Variants in ZCCHC7 observed in about 807,000 individuals in gnomAD.
The protein encoded by ZCCHC7 is zinc finger CCHC domain-containing protein 7.
In ZCCHC7, 35 loss-of-function variants were observed where a neutral mutation model predicts 52.0. The observed-to-expected ratio is 0.67, with a 90% CI of 0.51 to 0.89. The LOEUF (loss-of-function observed/expected upper bound fraction) is 0.89, where lower values mean the gene tolerates loss of function less well. Ranked by LOEUF, ZCCHC7 falls within the 40% of genes least tolerant of loss-of-function variation. The pLI, the probability that ZCCHC7 is intolerant of heterozygous loss-of-function variation, is 0.00. For missense variants in ZCCHC7, 574 were observed against 649.1 expected, an observed-to-expected ratio of 0.88 and a Z score of 1.26; for synonymous variants, 217 against 221.5, an observed-to-expected ratio of 0.98 and a Z score of 0.18.
At chr9:37,184,565 C>T (rs1822548142) in intron 2 of ZCCHC7, among the ~76,000 whole-genome samples, 1 of 152,132 alleles carries the variant, frequency 6.6e-6, no homozygotes. Flanking sequence ...TACTTGGTAT[C>T]AGTAAGGAAA....
intron 2 of ZCCHC7, among the ~76,000 whole-genome samples, chr9:37,300,765 T>C (rs1000963372): frequency 6.6e-6 from 1 of 152,168 alleles, no homozygotes; most frequent in Non-Finnish European, 1.5e-5. Context: ...GAGAAAAAGA[T>C]CTTTCAGTCC....
intron 3 of ZCCHC7, among the ~76,000 whole-genome samples, chr9:37,303,914 C>T (rs1209500011): frequency 6.6e-6 from 1 of 152,080 alleles, no homozygotes; most frequent in Non-Finnish European, 1.5e-5. Flanking sequence ...CCGCCCACCT[C>T]GGCCTCCGAA....
intron 2 of ZCCHC7, among the ~76,000 whole-genome samples, chr9:37,149,645 G>A (rs1406414788): frequency 6.6e-6 from 1 of 152,094 alleles, no homozygotes; most frequent in Admixed American, 6.6e-5. Context: ...AATGATTCTA[G>A]TTCATCTGTA....
At chr9:37,226,039 T>G (rs1825081208) in intron 2 of ZCCHC7, among the ~76,000 whole-genome samples, 1 of 152,198 alleles carries the variant, frequency 6.6e-6, no homozygotes, top group African/African-American at 2.4e-5. Context: ...AAAAATCTAG[T>G]TAGAAAATTG....
chr9:37,132,256 A>C (rs1415742958), intron 2 of ZCCHC7, among the ~76,000 whole-genome samples: 6 of 152,184 alleles, frequency 3.9e-5, no homozygotes, highest in Non-Finnish European at 8.8e-5. Context: ...CCAAATGATG[A>C]CATGTGACAA....
At chr9:37,311,535 A>G (rs964882513) in intron 5 of ZCCHC7, among the ~76,000 whole-genome samples, 3 of 152,000 alleles carry the variant, frequency 2.0e-5, no homozygotes, top group Non-Finnish European at 4.4e-5. Flanking sequence ...TCAGCCTCCC[A>G]AGTAGCTGGG....
intron 2 of ZCCHC7, among the ~76,000 whole-genome samples, chr9:37,281,609 A>T (rs924766778): frequency 5.3e-5 from 8 of 152,328 alleles, no homozygotes; most frequent in African/African-American, 1.9e-4. Context: ...ATTGTACTAT[A>T]TCAATCTCAT....
chr9:37,349,705 AAATAT>A (rs1447384835), intron 7 of ZCCHC7, among the ~76,000 whole-genome samples: 1 of 152,242 alleles, frequency 6.6e-6, no homozygotes, highest in African/African-American at 2.4e-5. Context: ...AAAATCAAAC[AAATAT>A]AATAGTCAAC....
At chr9:37,207,006 G>A (rs939377102) in intron 2 of ZCCHC7, among the ~76,000 whole-genome samples, 18 of 151,904 alleles carry the variant, frequency 1.2e-4, no homozygotes, top group African/African-American at 4.1e-4. Flanking sequence ...TGCAACCGTA[G>A]TCCCAGCTAC....
At chr9:37,313,604 G>C (rs1284872582) in intron 5 of ZCCHC7, among the ~76,000 whole-genome samples, 7 of 152,220 alleles carry the variant, frequency 4.6e-5, no homozygotes, top group Non-Finnish European at 1.0e-4. Context: ...AATTCCCAAT[G>C]TTGAGGGAGG....
Position 37,302,250 on chromosome 9 carries a change from T to A in ZCCHC7, c.654+19T>A. On this transcript the variant is annotated intron_variant, in intron 3 of 8. Transcript: ENST00000336755. ...CATTGAGGTAAAATCAAATTGTTTTTAAAATTCAGAATAATAATTTCCTTT... is the reference window on the plus strand; with the variant it reads ...CATTGAGGTAAAATCAAATTGTTTTAAAAATTCAGAATAATAATTTCCTTT... 6.3e-7 allele frequency: 1 copy of A among 1,582,510 alleles called. No individual in the cohort carries two copies. Among genetic ancestry groups the A allele is most frequent in the Non-Finnish European group, 8.7e-7 (1 of 1,154,082 alleles).
At chr9:37,276,726 G>A (rs537723650) in intron 2 of ZCCHC7, among the ~76,000 whole-genome samples, 20 of 152,216 alleles carry the variant, frequency 1.3e-4, no homozygotes, top group African/African-American at 4.8e-4. Flanking sequence ...GCCTAAAATA[G>A]TAAATCATAA....
intron 5 of ZCCHC7, among the ~76,000 whole-genome samples, chr9:37,320,572 A>G (rs1438141869): frequency 6.6e-6 from 1 of 152,162 alleles, no homozygotes; most frequent in Non-Finnish European, 1.5e-5. Flanking sequence ...TGAATATGGT[A>G]TGTCTCTGTT....
In ZCCHC7 at chr9:37,251,676, C is replaced by T. The variant is rs191101750; in HGVS notation, c.611-50512C>T. ...GGTGGTGTTCAGAGTGACGGGCCCA[C>T]AGGCAGGCTGGCCTTTTATGCTTGC... On this transcript the variant is annotated intron_variant, in intron 2 of 8. Coordinates refer to ENST00000336755, the MANE Select transcript of ZCCHC7 (RefSeq NM_032226.3). Among the ~76,000 whole-genome samples the T allele has an allele frequency of 1.1e-3, 170 of 152,308 alleles. 2 individuals carry two copies. The highest frequency in any genetic ancestry group is 1.8e-3 in the Non-Finnish European group (125 of 68,038).
chr9:37,276,185 T>A (rs1827675689), intron 2 of ZCCHC7, among the ~76,000 whole-genome samples: 1 of 152,352 alleles, frequency 6.6e-6, no homozygotes, highest in East Asian at 1.9e-4. Context: ...CTTTTGTGAA[T>A]GACCTATTTA....
intron 6 of ZCCHC7, among the ~76,000 whole-genome samples, chr9:37,346,438 G>A (rs142447410): frequency 1.5e-3 from 228 of 152,294 alleles, no homozygotes; most frequent in African/African-American, 4.7e-3. Context: ...TACTTTGGGA[G>A]GCGAAGGCAA....
chr9:37,311,287 AT>A (rs1040332380), intron 5 of ZCCHC7, among the ~76,000 whole-genome samples: 77 of 152,174 alleles, frequency 5.1e-4, no homozygotes, highest in African/African-American at 1.8e-3. Flanking sequence ...TTATTCAGCA[AT>A]TTTTTTCTCA....
At chr9:37,157,662 A>G (rs965570181) in intron 2 of ZCCHC7, among the ~76,000 whole-genome samples, 1 of 152,260 alleles carries the variant, frequency 6.6e-6, no homozygotes, top group Non-Finnish European at 1.5e-5. Context: ...TTCCAAAGGC[A>G]TACAAATAAC....
chr9:37,246,036 A>G (rs1826067840), intron 2 of ZCCHC7, among the ~76,000 whole-genome samples: 1 of 152,142 alleles, frequency 6.6e-6, no homozygotes, highest in Non-Finnish European at 1.5e-5. Context: ...TGACAGGATC[A>G]TATTTACAAT....
Sources: gnomAD v4.1 joint callset for allele counts (sites outside exome capture counted in the v4.1 genomes callset) on GRCh38, gnomAD v4.1.1 for gene constraint, MANE v1.5 for transcripts, NCBI Gene and HGNC (gene_info 2026-07-23, HGNC 2026-07-21) for gene names.